The following RAB21 variants were observed in gnomAD, a reference collection of about 807,000 sequenced individuals.
RAB21 encodes the protein RAB21, member RAS oncogene family.
RAB21 carries 13 observed loss-of-function variants against 33.1 expected under a neutral mutation model. The observed-to-expected ratio is 0.39, with a 90% CI of 0.26 to 0.62. The LOEUF (loss-of-function observed/expected upper bound fraction) is 0.62, where lower values mean the gene tolerates loss of function less well. Among genes scored for constraint, RAB21 ranks in the 20% least tolerant of loss-of-function variants. RAB21 has a pLI of 0.48. For missense variants in RAB21, 234 were observed against 279.1 expected, an observed-to-expected ratio of 0.84 and a Z score of 1.15; for synonymous variants, 91 against 103.7, an observed-to-expected ratio of 0.88 and a Z score of 0.74.
At chr12:71,767,127 T>C (rs1882972865) in intron 1 of RAB21, among the ~76,000 whole-genome samples, 1 of 152,208 alleles carries the variant, frequency 6.6e-6, no homozygotes, top group South Asian at 2.1e-4. Flanking sequence ...TTGTGAATTT[T>C]TAACTACTTA....
rs1375766734 is a variant in RAB21 at position 71,795,601 on chromosome 12, C to T, written c.*9928C>T. Reference sequence around the variant, plus strand: ...AAATTACACAGAAGCTTCCAGCTACCTGGTATTTGCATGAAGAATTCTAAA... The same window carrying T: ...AAATTACACAGAAGCTTCCAGCTACTTGGTATTTGCATGAAGAATTCTAAA... On this transcript the variant is annotated 3_prime_UTR_variant, in exon 7 of 7. Transcript: ENST00000261263. 7.3e-6 allele frequency: 1 copy of T among 137,524 alleles called. No homozygotes were observed. The highest frequency in any genetic ancestry group is 2.9e-5 in the African/African-American group (1 of 34,162). The allele number at this position is 137,524 out of a possible 1,614,324, so 8.5% of individuals were successfully genotyped here.
chr12:71,778,524 C>T (rs1279071216), intron 4 of RAB21, among the ~76,000 whole-genome samples: 3 of 152,174 alleles, frequency 2.0e-5, no homozygotes, highest in Non-Finnish European at 4.4e-5. Context: ...TAACTCAGAT[C>T]TGCCTGCCAC....
At position 71,786,577 on chromosome 12, in the gene RAB21, T is replaced by G. The variant is rs1883296967; in HGVS notation, c.*904T>G. 6.6e-6 allele frequency: 1 copy of G among 152,670 alleles called. No individual in the cohort carries two copies. Among genetic ancestry groups the G allele is most frequent in the African/African-American group, 2.4e-5 (1 of 41,458 alleles). 9.5% of individuals were successfully genotyped at this position (152,670 alleles called of 1,614,324 possible). A position where few individuals can be genotyped will look rare whatever the true frequency, so the allele number is the denominator to read the frequency against. On this transcript the variant is annotated 3_prime_UTR_variant, in exon 7 of 7. Transcript: ENST00000261263. ...ACATATTAAATATTTTATCTGCTTT[T>G]ACAAGCGCAAGGTGCAAAAATATAT...
At chr12:71,756,506 T>G (rs765666214) in intron 1 of RAB21, among the ~76,000 whole-genome samples, 1 of 152,244 alleles carries the variant, frequency 6.6e-6, no homozygotes, top group East Asian at 1.9e-4. Flanking sequence ...ATTAAACTAC[T>G]GAGTCTAGAA....
At chr12:71,755,417 T>A in intron 1 of RAB21, 129 bp downstream of exon 1, 3 of 1,158,488 alleles carry the variant, frequency 2.6e-6, no homozygotes, top group Middle Eastern at 2.9e-4. Flanking sequence ...CGCCTTCGGT[T>A]TACCTTTCCG....
intron 4 of RAB21, among the ~76,000 whole-genome samples, chr12:71,779,319 A>G (rs974258702): frequency 6.6e-6 from 1 of 151,998 alleles, no homozygotes; most frequent in Non-Finnish European, 1.5e-5. Flanking sequence ...AATTAGCCAG[A>G]TGCGGTGGTG....
chr12:71,755,353 TTTG>T (rs775234026), intron 1 of RAB21, 65 bp downstream of exon 1: 305 of 1,415,744 alleles, frequency 2.2e-4, no homozygotes, highest in Non-Finnish European at 2.7e-4. Context: ...CTGGGGAAAC[TTTG>T]CCGCCCTGGT....
intron 1 of RAB21, among the ~76,000 whole-genome samples, chr12:71,761,748 T>C (rs761121245): frequency 3.9e-4 from 59 of 152,204 alleles, no homozygotes; most frequent in Non-Finnish European, 6.9e-4. Context: ...CCTAGTCTAC[T>C]ACTTCTTAAA....
At chr12:71,776,599 CACTT>C (rs1350773772) in intron 4 of RAB21, among the ~76,000 whole-genome samples, 2 of 151,712 alleles carry the variant, frequency 1.3e-5, no homozygotes, top group Non-Finnish European at 2.9e-5. Flanking sequence ...AGAAAGCTCT[CACTT>C]TCTTCTGTTG....
rs1473942872 is a variant in RAB21 at position 71,773,975 on chromosome 12, A to G, written c.344A>G (p.Lys115Arg). Reference sequence around the variant, plus strand: ...TATATACAGGTAAAAAACTGGGTCAAAGAATTACGGAAAATGTTGGGAAAT... The same window carrying G: ...TATATACAGGTAAAAAACTGGGTCAGAGAATTACGGAAAATGTTGGGAAAT... Reference protein sequence around the residue: ...DSFQKVKNWVKELRKMLGNEI... With the variant: ...DSFQKVKNWVRELRKMLGNEI... The change falls in exon 4 of 7, where the codon AAA (lysine) becomes AGA (arginine). Residue 115 changes from lysine (K) to arginine (R), a missense_variant. Transcript: ENST00000261263. The G allele has an allele frequency of 1.3e-6, 2 of 1,593,422 alleles. No homozygotes were observed. Among genetic ancestry groups the G allele is most frequent in the South Asian group, 1.1e-5 (1 of 87,668 alleles).
intron 1 of RAB21, among the ~76,000 whole-genome samples, chr12:71,761,156 A>G (rs528362965): frequency 3.3e-5 from 5 of 152,086 alleles, no homozygotes; most frequent in African/African-American, 1.2e-4. Flanking sequence ...GCAGTGAGCT[A>G]TGATTGTGCC....
In RAB21 at chr12:71,770,400, A is replaced by C. The variant is rs1037110058; in HGVS notation, c.220-192A>C. 21 of 567,438 alleles carry C rather than the reference A, an allele frequency of 3.7e-5. No individual in the cohort carries two copies. The African/African-American group carries it at 3.8e-4, about 10-fold the overall frequency. 35.2% of individuals were successfully genotyped at this position (567,438 alleles called of 1,614,324 possible). ...AAAAGTAACTTTTGTATATCACTAA[A>C]ACATTACATATTGGTCATAACTTAA... On this transcript the variant is annotated intron_variant, in intron 2 of 6. Coordinates refer to ENST00000261263, the MANE Select transcript of RAB21 (RefSeq NM_014999.4).
At chr12:71,780,008 GA>G (rs1456661640) in intron 4 of RAB21, among the ~76,000 whole-genome samples, 9 of 152,130 alleles carry the variant, frequency 5.9e-5, no homozygotes, top group Non-Finnish European at 8.8e-5. Flanking sequence ...AATCCATTGT[GA>G]ACACTGATTA....
At chr12:71,757,190 C>T (rs771862506) in intron 1 of RAB21, among the ~76,000 whole-genome samples, 1 of 152,166 alleles carries the variant, frequency 6.6e-6, no homozygotes, top group African/African-American at 2.4e-5. Context: ...CTCACTGCAA[C>T]CTCCACCTCC....
At chr12:71,774,189 G>C (rs539736798) in intron 4 of RAB21, 167 bp downstream of exon 4, 2 of 337,654 alleles carry the variant, frequency 5.9e-6, no homozygotes, top group Non-Finnish European at 1.0e-5. Context: ...GCTCATGCCT[G>C]TAATTCCAGC....
intron 1 of RAB21, among the ~76,000 whole-genome samples, chr12:71,758,031 ATTTT>A (rs1215389724): frequency 2.1e-5 from 3 of 144,828 alleles, no homozygotes; most frequent in Admixed American, 1.4e-4. Context: ...TCATTTTTAA[ATTTT>A]TTTTTTTTTC....
intron 1 of RAB21, among the ~76,000 whole-genome samples, chr12:71,763,837 A>G (rs1882915008): frequency 6.6e-6 from 1 of 152,140 alleles, no homozygotes; most frequent in African/African-American, 2.4e-5. Context: ...AAATGTGTGT[A>G]TGTCCTAGAA....
chr12:71,776,769 G>A (rs1319495058), intron 4 of RAB21, among the ~76,000 whole-genome samples: 4 of 151,200 alleles, frequency 2.6e-5, no homozygotes, highest in African/African-American at 9.7e-5. Flanking sequence ...AACTTATTAG[G>A]ATAACTTAAA....
chr12:71,769,592 A>C (rs899632241), intron 1 of RAB21, among the ~76,000 whole-genome samples: 1 of 152,116 alleles, frequency 6.6e-6, no homozygotes, highest in Non-Finnish European at 1.5e-5. Flanking sequence ...TGTATAACCT[A>C]TTTTCAGAAA....
Sources: allele counts gnomAD v4.1 joint callset (sites outside exome capture counted in the v4.1 genomes callset), GRCh38; gene constraint gnomAD v4.1.1; transcripts MANE v1.5; gene names NCBI Gene and HGNC (gene_info 2026-07-23, HGNC 2026-07-21).